The following TNFRSF1B variants were observed in gnomAD, a reference collection of about 807,000 sequenced individuals.
TNFRSF1B encodes the protein tumor necrosis factor receptor superfamily member 1B.
In TNFRSF1B, 19 loss-of-function variants were observed where a neutral mutation model predicts 44.6. The observed-to-expected ratio is 0.43, with a 90% CI of 0.30 to 0.62. The LOEUF (loss-of-function observed/expected upper bound fraction) is 0.62, where lower values mean the gene tolerates loss of function less well. Ranked by LOEUF, TNFRSF1B falls within the 20% of genes least tolerant of loss-of-function variation. The pLI, the probability that TNFRSF1B is intolerant of heterozygous loss-of-function variation, is 0.16. For missense variants in TNFRSF1B, 541 were observed against 619.9 expected (o/e 0.87, Z 1.35); for synonymous variants, 252 against 261.1 (o/e 0.97, Z 0.34).
At chr1:12,185,673 C>T (rs1283185851) in intron 1 of TNFRSF1B, among the ~76,000 whole-genome samples, 1 of 152,208 alleles carries the variant, frequency 6.6e-6, no homozygotes, top group East Asian at 1.9e-4. Flanking sequence ...CTGGGGTGGG[C>T]CTCCGGGGCA....
chr1:12,185,202 C>T (rs1638955336), intron 1 of TNFRSF1B, among the ~76,000 whole-genome samples: 3 of 152,324 alleles, frequency 2.0e-5, no homozygotes, highest in African/African-American at 4.8e-5. Context: ...CGGCCATGAG[C>T]CCCCTCCGCC....
At chr1:12,182,319 C>T (rs552754899) in intron 1 of TNFRSF1B, among the ~76,000 whole-genome samples, 6 of 152,266 alleles carry the variant, frequency 3.9e-5, no homozygotes, top group South Asian at 4.2e-4. Context: ...CTCACCCACC[C>T]GCTCTGGGCC....
chr1:12,169,954 G>A lies in TNFRSF1B; in HGVS notation c.78+2785G>A, dbSNP rs566924727. Among the ~76,000 whole-genome samples, 1 of 152,306 alleles carries A rather than the reference G, an allele frequency of 6.6e-6. No homozygotes were observed. The highest frequency in any genetic ancestry group is 1.9e-4 in the East Asian group (1 of 5,172). On this transcript the variant is annotated intron_variant, in intron 1 of 9. Coordinates refer to ENST00000376259, the MANE Select transcript of TNFRSF1B (RefSeq NM_001066.3). This position sits in a 1 kb window ranked among gnomAD's most constrained non-coding sequence, Gnocchi z 4.5. ...GGCCTGGGGCCAGTTTGGGTTAGGG[G>A]AGAGGTTGGGGGCTCCCAGGCTGGA...
At chr1:12,195,714 G>T (rs146169179) in intron 8 of TNFRSF1B, among the ~76,000 whole-genome samples, 1 of 152,192 alleles carries the variant, frequency 6.6e-6, no homozygotes, top group Non-Finnish European at 1.5e-5. Flanking sequence ...AGGGAGGGGG[G>T]TTGGAAGTGG....
intron 8 of TNFRSF1B, among the ~76,000 whole-genome samples, chr1:12,200,913 G>C (rs1639377567): frequency 6.6e-6 from 1 of 152,172 alleles, no homozygotes; most frequent in Non-Finnish European, 1.5e-5. Flanking sequence ...GAGCCACCAA[G>C]CCTGGCCACA....
intron 2 of TNFRSF1B, among the ~76,000 whole-genome samples, chr1:12,190,132 G>A (rs116259303): frequency 3.2e-4 from 48 of 152,270 alleles, no homozygotes; most frequent in African/African-American, 1.1e-3. Flanking sequence ...ACCTGTCACC[G>A]TCCCTAGCCA....
At chr1:12,198,958 G>T (rs1639330940) in intron 8 of TNFRSF1B, among the ~76,000 whole-genome samples, 1 of 152,194 alleles carries the variant, frequency 6.6e-6, no homozygotes, top group African/African-American at 2.4e-5. Context: ...CTCCCAAAGT[G>T]CTGGGATTAC....
At chr1:12,194,462 C>T (rs901618341) in intron 7 of TNFRSF1B, 122 bp from the exon 8 acceptor site, 12 of 971,360 alleles carry the variant, frequency 1.2e-5, no homozygotes, top group South Asian at 2.9e-5. Flanking sequence ...GTCTGGTAGG[C>T]GATTGGTCCC....
chr1:12,181,615 G>A lies in TNFRSF1B; in HGVS notation c.79-7181G>A, dbSNP rs5745989. ...CATAGACCCTCTAACCTAAGTCAGC[G>A]CCCCTTCTACAAGGCCGGTGTCCAG... On this transcript the variant is annotated intron_variant, in intron 1 of 9. Transcript: ENST00000376259. 8.7e-3 allele frequency among the ~76,000 whole-genome samples: 1,323 copies of A among 152,180 alleles called. 5 individuals carry two copies. The highest frequency in any genetic ancestry group is 0.013 in the Non-Finnish European group (903 of 67,982).
rs1305807744 is a variant in TNFRSF1B at position 12,186,684 on chromosome 1, C to T, written c.79-2112C>T. ...CTCGTTCACTAAAGGTTATGGATCT[C>T]GATCTTGTACTGGCCACATGACTGC... On this transcript the variant is annotated intron_variant, in intron 1 of 9. Transcript: ENST00000376259. The surrounding 1 kb of genome is among the most constrained non-coding windows in gnomAD (Gnocchi z 4.8). Among the ~76,000 whole-genome samples the T allele has an allele frequency of 2.0e-5, 3 of 152,196 alleles. No individual in the cohort carries two copies. The highest frequency in any genetic ancestry group is 1.9e-4 in the East Asian group (1 of 5,200).
intron 9 of TNFRSF1B, among the ~76,000 whole-genome samples, chr1:12,205,969 A>G (rs1251824196): frequency 6.6e-6 from 1 of 152,018 alleles, no homozygotes; most frequent in South Asian, 2.1e-4. Context: ...GGAATGATGG[A>G]TGGGTGTGTG....
intron 1 of TNFRSF1B, among the ~76,000 whole-genome samples, chr1:12,174,122 TTTCTTCTTCTTC>T (rs541359943): frequency 0.019 from 1,262 of 66,610 alleles, 42 homozygotes; most frequent in Admixed American, 0.053. Flanking sequence ...TGAGACTCCA[TTTCTTCTTCTTC>T]TTCTTCTTCT....
At position 12,192,962 on chromosome 1, in the gene TNFRSF1B, C is replaced by G; in HGVS notation, c.651C>G (p.Pro217=). Reference sequence around the variant, plus strand: ...TGGCCCCAGGGGCAGTACACTTACCCCAGCCAGTGTCCACACGATCCCAAC... The same window carrying G: ...TGGCCCCAGGGGCAGTACACTTACCGCAGCCAGTGTCCACACGATCCCAAC... ...RSMAPGAVHL[P]QPVSTRSQHT... Residue 217 remains proline (P), a synonymous_variant, in exon 6 of 10, where the codon CCC becomes CCG. Transcript: ENST00000376259. 6.2e-7 allele frequency: 1 copy of G among 1,614,190 alleles called. No homozygotes were observed. Among genetic ancestry groups the G allele is most frequent in the South Asian group, 1.1e-5 (1 of 91,086 alleles).
chr1:12,170,700 T>A (rs1372835998), intron 1 of TNFRSF1B, among the ~76,000 whole-genome samples: 1 of 152,238 alleles, frequency 6.6e-6, no homozygotes, highest in Non-Finnish European at 1.5e-5. Flanking sequence ...TCTTGCTCTG[T>A]TGCTCAGGCT....
At chr1:12,179,262 T>C (rs1347132820) in intron 1 of TNFRSF1B, among the ~76,000 whole-genome samples, 1 of 152,062 alleles carries the variant, frequency 6.6e-6, no homozygotes, top group African/African-American at 2.4e-5. Context: ...GGTCAGTCCT[T>C]CCTAACGCAG....
intron 1 of TNFRSF1B, among the ~76,000 whole-genome samples, chr1:12,185,072 G>A (rs1045717637): frequency 1.3e-5 from 2 of 152,154 alleles, no homozygotes; most frequent in East Asian, 1.9e-4. Flanking sequence ...GGGGTTTGCC[G>A]AGGGCCAGGA....
At chr1:12,206,585 C>A (rs578028686) in intron 9 of TNFRSF1B, among the ~76,000 whole-genome samples, 155 bp from the exon 10 acceptor site, 6 of 152,286 alleles carry the variant, frequency 3.9e-5, no homozygotes, top group Admixed American at 1.3e-4. Flanking sequence ...AAGTGACTTG[C>A]TCAAGGTCAC....
chr1:12,200,848 C>G (rs1038600574), intron 8 of TNFRSF1B, among the ~76,000 whole-genome samples: 2 of 152,160 alleles, frequency 1.3e-5, no homozygotes, highest in Non-Finnish European at 2.9e-5. Context: ...CCCCAACTCC[C>G]TTCCTCAGGT....
chr1:12,167,059 A>C lies in TNFRSF1B; in HGVS notation c.-33A>C. On this transcript the variant is annotated 5_prime_UTR_variant, in exon 1 of 10. Coordinates refer to ENST00000376259, the MANE Select transcript of TNFRSF1B (RefSeq NM_001066.3). ...TGGGCTGCGAGGGCGCGAGGGCGCG[A>C]GGGCAGGGGGCAACCGGACCCCGCC... 2 of 1,268,930 alleles carry C rather than the reference A, an allele frequency of 1.6e-6. No homozygotes were observed. The highest frequency in any genetic ancestry group is 2.0e-6 in the Non-Finnish European group (2 of 1,005,840). 78.6% of individuals were successfully genotyped at this position (1,268,930 alleles called of 1,614,324 possible).
Sources: gnomAD v4.1 joint callset for allele counts (sites outside exome capture counted in the v4.1 genomes callset) on GRCh38, gnomAD v4.1.1 for gene constraint, Gnocchi (gnomAD v3.1) non-coding constraint, MANE v1.5 for transcripts, NCBI Gene and HGNC (gene_info 2026-07-23, HGNC 2026-07-21) for gene names.